The following PLXDC2 variants were observed in gnomAD, a reference collection of about 807,000 sequenced individuals.
PLXDC2 encodes plexin domain-containing protein 2.
In PLXDC2, 40 loss-of-function variants were observed where a neutral mutation model predicts 68.9. The observed-to-expected ratio is 0.58, with a 90% CI of 0.45 to 0.76. The LOEUF (loss-of-function observed/expected upper bound fraction) is 0.76, where lower values mean the gene tolerates loss of function less well. Ranked by LOEUF, PLXDC2 falls within the 30% of genes least tolerant of loss-of-function variation. The pLI is 0.00. For synonymous variants in PLXDC2, 243 were observed against 234.2 expected, an observed-to-expected ratio of 1.04 and a Z score of -0.34; for missense variants, 644 against 661.9, an observed-to-expected ratio of 0.97 and a Z score of 0.30.
chr10:19,952,000 G>T lies in PLXDC2; in HGVS notation c.113-49775G>T, dbSNP rs181530577. Among the ~76,000 whole-genome samples, 109 of 152,118 alleles carry T rather than the reference G, an allele frequency of 7.2e-4. 1 individual carries two copies. The East Asian group carries it at 0.013, about 18-fold the overall frequency. ...GTAGACACAGGAGACTACACGGTGA[G>T]GGGGGAAGGAAGGGGAGCCAGAGGT... is the stretch of plus-strand genomic sequence containing the variant. On this transcript the variant is annotated intron_variant, in intron 1 of 13. Coordinates refer to ENST00000377252, the MANE Select transcript of PLXDC2 (RefSeq NM_032812.9).
chr10:20,021,896 A>G (rs572954228), intron 2 of PLXDC2, among the ~76,000 whole-genome samples: 1 of 151,984 alleles, frequency 6.6e-6, no homozygotes, highest in African/African-American at 2.4e-5. Context: ...ACAGGGCTTC[A>G]CCACGTTGGT....
chr10:20,249,958 T>C (rs1835652383), intron 13 of PLXDC2, among the ~76,000 whole-genome samples: 1 of 152,116 alleles, frequency 6.6e-6, no homozygotes, highest in African/African-American at 2.4e-5. Context: ...AAACAGCGTA[T>C]ATAATATGGT....
At position 20,283,141 on chromosome 10, in the gene PLXDC2, C is replaced by G. The variant is rs1836103179; in HGVS notation, c.*3322C>G. 2 of 152,008 alleles carry G rather than the reference C, an allele frequency of 1.3e-5. No individual in the cohort carries two copies. Among genetic ancestry groups the G allele is most frequent in the South Asian group, 4.1e-4 (2 of 4,824 alleles). The allele number at this position is 152,008 out of a possible 1,614,324, so 9.4% of individuals were successfully genotyped here. A position where few individuals can be genotyped will look rare whatever the true frequency, so the allele number is the denominator to read the frequency against. ...AGAAAAGGGAAGAAGAGGAAAGAAA[C>G]AAGATTTGGTAGCTCTTGGGCATAT... On this transcript the variant is annotated 3_prime_UTR_variant, in exon 14 of 14. Coordinates refer to ENST00000377252, the MANE Select transcript of PLXDC2 (RefSeq NM_032812.9).
At position 20,284,501 on chromosome 10, in the gene PLXDC2, G is replaced by C. The variant is rs372366933; in HGVS notation, c.*4682G>C. ...CTACTTTGGAGGCTGAAGTGTAAGA[G>C]TTGCTTGAGCCCATGAGTTAGAGGC... On this transcript the variant is annotated 3_prime_UTR_variant, in exon 14 of 14. Transcript: ENST00000377252. 6 of 151,052 alleles carry C rather than the reference G, an allele frequency of 4.0e-5. No homozygotes were observed. The South Asian group carries it at 8.5e-4, about 21-fold the overall frequency. The allele number at this position is 151,052 out of a possible 1,614,324, so 9.4% of individuals were successfully genotyped here.
intron 1 of PLXDC2, among the ~76,000 whole-genome samples, chr10:19,965,661 C>T (rs1834234816): frequency 6.7e-6 from 1 of 149,528 alleles, no homozygotes; most frequent in African/African-American, 2.5e-5. Flanking sequence ...GTTGCATGTA[C>T]TTGAACCATC....
intron 1 of PLXDC2, among the ~76,000 whole-genome samples, chr10:19,857,671 G>A (rs181546815): frequency 4.7e-4 from 72 of 152,280 alleles, no homozygotes; most frequent in African/African-American, 1.5e-3. Flanking sequence ...GCATCATGGC[G>A]CAGAGTTCAA....
intron 3 of PLXDC2, among the ~76,000 whole-genome samples, chr10:20,053,069 C>T (rs1008508948): frequency 3.3e-5 from 5 of 152,080 alleles, no homozygotes; most frequent in African/African-American, 9.7e-5. Context: ...CCCTTTTCTT[C>T]CATCCACAAT....
At chr10:19,840,067 C>T (rs1026435774) in intron 1 of PLXDC2, among the ~76,000 whole-genome samples, 13 of 152,266 alleles carry the variant, frequency 8.5e-5, no homozygotes, top group African/African-American at 2.2e-4. Context: ...TCACCACTCT[C>T]CTGTCATTTT....
intron 1 of PLXDC2, among the ~76,000 whole-genome samples, chr10:19,916,960 G>A (rs749405576): frequency 5.3e-5 from 8 of 152,110 alleles, no homozygotes; most frequent in Non-Finnish European, 7.4e-5. Flanking sequence ...TTCAAAAAGA[G>A]GGATGATTAA....
intron 1 of PLXDC2, among the ~76,000 whole-genome samples, chr10:19,925,020 T>C (rs1014800383): frequency 1.3e-5 from 2 of 152,168 alleles, no homozygotes; most frequent in Non-Finnish European, 2.9e-5. Flanking sequence ...GGATTCAAAA[T>C]TGGGGTGAAG....
chr10:19,831,431 G>GT (rs1836690206), intron 1 of PLXDC2, among the ~76,000 whole-genome samples: 2 of 151,580 alleles, frequency 1.3e-5, no homozygotes, highest in Admixed American at 6.6e-5. Context: ...ACTCTTTTTT[G>GT]TTTTTTTAAC....
At chr10:20,026,084 G>A (rs1001903001) in intron 2 of PLXDC2, among the ~76,000 whole-genome samples, 12 of 152,176 alleles carry the variant, frequency 7.9e-5, no homozygotes, top group Non-Finnish European at 1.3e-4. Context: ...ATTCAATTGA[G>A]TTCCTTTTCT....
rs1164476930 is a variant in PLXDC2 at position 20,145,376 on chromosome 10, CA to C, written c.664+1961del. Among the ~76,000 whole-genome samples, 16 of 152,194 alleles carry C rather than the reference CA, an allele frequency of 1.1e-4. No individual in the cohort carries two copies. The East Asian group carries it at 3.1e-3, about 29-fold the overall frequency. On this transcript the variant is annotated intron_variant, in intron 5 of 13. Transcript: ENST00000377252. The stretch of plus-strand genomic sequence containing the variant: ...CCACAACAACTTGCTGAAATATTTT[CA>C]AGTTTAGTTAGAATCATTGACAGGA...
chr10:20,249,572 G>A (rs764135982), intron 13 of PLXDC2, among the ~76,000 whole-genome samples: 8 of 151,956 alleles, frequency 5.3e-5, no homozygotes, highest in Admixed American at 2.6e-4. Context: ...TACCACTAAC[G>A]TTGACCCTCC....
chr10:19,998,103 G>A (rs12770349), intron 1 of PLXDC2, among the ~76,000 whole-genome samples: 34,772 of 152,094 alleles, frequency 0.23, 4,744 homozygotes, highest in Non-Finnish European at 0.32. Flanking sequence ...AATCTGTTCA[G>A]CCAGACTATT....
In PLXDC2 at chr10:19,901,176, C is replaced by T. The variant is rs146892715; in HGVS notation, c.112+83985C>T. Reference sequence around the variant, plus strand: ...CTTTTTCATATAAAGACTTCTTTTCCTCTGGGTAGACACCTAGTAATGGGA... The same window carrying T: ...CTTTTTCATATAAAGACTTCTTTTCTTCTGGGTAGACACCTAGTAATGGGA... On this transcript the variant is annotated intron_variant, in intron 1 of 13. Coordinates refer to ENST00000377252, the MANE Select transcript of PLXDC2 (RefSeq NM_032812.9). 3.0e-3 allele frequency among the ~76,000 whole-genome samples: 460 copies of T among 152,082 alleles called. 1 individual carries two copies. Among genetic ancestry groups the T allele is most frequent in the African/African-American group, 0.01 (429 of 41,476 alleles).
intron 2 of PLXDC2, among the ~76,000 whole-genome samples, chr10:20,025,864 T>A (rs536903345): frequency 1.3e-5 from 2 of 151,904 alleles, no homozygotes; most frequent in African/African-American, 4.8e-5. Context: ...TTTTTCACCA[T>A]TGAGTAATAA....
chr10:19,987,544 G>T (rs977704759), intron 1 of PLXDC2, among the ~76,000 whole-genome samples: 11 of 142,878 alleles, frequency 7.7e-5, no homozygotes, highest in African/African-American at 2.9e-4. Context: ...GAGTGTTGAT[G>T]TTATTTGGTT....
At chr10:20,196,183 C>T (rs974518262) in intron 9 of PLXDC2, among the ~76,000 whole-genome samples, 8 of 152,086 alleles carry the variant, frequency 5.3e-5, no homozygotes, top group African/African-American at 1.9e-4. Context: ...CAACTCCGTC[C>T]TACCAAGATA....
Sources: gnomAD v4.1 joint callset for allele counts (sites outside exome capture counted in the v4.1 genomes callset) on GRCh38, gnomAD v4.1.1 for gene constraint, MANE v1.5 for transcripts, NCBI Gene and HGNC (gene_info 2026-07-23, HGNC 2026-07-21) for gene names.